ARHGAP26: variants seen among roughly 807,000 people sequenced by gnomAD.
The protein encoded by ARHGAP26 is rho GTPase-activating protein 26.
A neutral mutation model predicts 104.8 loss-of-function variants in ARHGAP26; 38 were observed. The observed-to-expected ratio is 0.36, with a 90% CI of 0.28 to 0.48. The LOEUF is 0.48. ARHGAP26 is among the 20% of genes least tolerant of loss of function. The pLI, the probability that ARHGAP26 is intolerant of heterozygous loss-of-function variation, is 0.99. For synonymous variants in ARHGAP26, 341 were observed against 340.0 expected (o/e 1.00, Z -0.03); for missense variants, 704 against 947.9 (o/e 0.74, Z 3.38).
intron 17 of ARHGAP26, among the ~76,000 whole-genome samples, chr5:143,060,017 A>C (rs1786474871): frequency 6.6e-6 from 1 of 152,244 alleles, no homozygotes; most frequent in Non-Finnish European, 1.5e-5. Context: ...TGGCATCCAG[A>C]GGAGTTCTAA....
intron 11 of ARHGAP26, among the ~76,000 whole-genome samples, chr5:142,992,081 C>T (rs900859779): frequency 2.6e-5 from 4 of 151,654 alleles, no homozygotes; most frequent in African/African-American, 9.7e-5. Context: ...TTGAATATTC[C>T]CTATGGTTAT....
intron 17 of ARHGAP26, among the ~76,000 whole-genome samples, chr5:143,104,476 ACT>A (rs1161381649): frequency 1.3e-5 from 2 of 152,168 alleles, no homozygotes; most frequent in African/African-American, 4.8e-5. Context: ...ACACCACTGC[ACT>A]CCAGTCTGGG....
intron 10 of ARHGAP26, among the ~76,000 whole-genome samples, chr5:142,927,935 G>A (rs189153543): frequency 6.6e-6 from 1 of 152,150 alleles, no homozygotes; most frequent in Admixed American, 6.5e-5. Flanking sequence ...CTATTTCTTA[G>A]CCTTATTGGC....
chr5:142,801,349 G>T (rs1762042025), intron 1 of ARHGAP26, among the ~76,000 whole-genome samples: 1 of 152,032 alleles, frequency 6.6e-6, no homozygotes, highest in African/African-American at 2.4e-5. Flanking sequence ...CGCCCTATGT[G>T]CCAGACCTTA....
chr5:143,065,067 A>G (rs1038866775), intron 17 of ARHGAP26, among the ~76,000 whole-genome samples: 1 of 152,050 alleles, frequency 6.6e-6, no homozygotes, highest in Admixed American at 6.5e-5. Context: ...CTCCCAAATT[A>G]AGGGAGGAGT....
intron 17 of ARHGAP26, among the ~76,000 whole-genome samples, chr5:143,069,012 G>A (rs1787895155): frequency 1.3e-5 from 2 of 151,962 alleles, no homozygotes; most frequent in East Asian, 1.9e-4. Flanking sequence ...TTTTCCTCCT[G>A]CCTCCTTGAC....
intron 11 of ARHGAP26, among the ~76,000 whole-genome samples, chr5:142,954,692 A>G (rs990393634): frequency 2.6e-5 from 4 of 152,256 alleles, no homozygotes; most frequent in Admixed American, 1.3e-4. Flanking sequence ...GTATAAGCAT[A>G]TGAAACTTGA....
intron 17 of ARHGAP26, among the ~76,000 whole-genome samples, chr5:143,067,894 T>C (rs758182680): frequency 6.6e-6 from 1 of 152,228 alleles, no homozygotes; most frequent in Non-Finnish European, 1.5e-5. Context: ...CCAAGAGCAG[T>C]GGCTCATGCC....
chr5:143,109,417 T>G (rs937762531), intron 17 of ARHGAP26, among the ~76,000 whole-genome samples: 1 of 152,190 alleles, frequency 6.6e-6, no homozygotes, highest in Non-Finnish European at 1.5e-5. Flanking sequence ...TATGCTAGCT[T>G]GTAAAGTTCT....
chr5:143,051,260 C>A (rs574702197), intron 14 of ARHGAP26, among the ~76,000 whole-genome samples: 2 of 152,296 alleles, frequency 1.3e-5, no homozygotes, highest in East Asian at 1.9e-4. Context: ...GGGACTGATC[C>A]AAGTGTGACA....
intron 22 of ARHGAP26, among the ~76,000 whole-genome samples, chr5:143,215,237 A>G (rs113610515): frequency 3.6e-4 from 55 of 152,340 alleles, no homozygotes; most frequent in African/African-American, 1.3e-3. Flanking sequence ...AGATTCCTAC[A>G]TTGACAGGTG....
At chr5:142,785,778 C>G (rs564820368) in intron 1 of ARHGAP26, among the ~76,000 whole-genome samples, 2 of 152,260 alleles carry the variant, frequency 1.3e-5, no homozygotes, top group South Asian at 4.1e-4. Flanking sequence ...TTGCATTGTT[C>G]TAGGAAATTC....
At chr5:143,106,950 C>T (rs1289749112) in intron 17 of ARHGAP26, among the ~76,000 whole-genome samples, 1 of 152,188 alleles carries the variant, frequency 6.6e-6, no homozygotes, top group Non-Finnish European at 1.5e-5. Flanking sequence ...CCTAGAGAGG[C>T]CTTCCTGGCC....
chr5:142,997,164 A>G (rs904882120), intron 11 of ARHGAP26, among the ~76,000 whole-genome samples: 1 of 152,120 alleles, frequency 6.6e-6, no homozygotes, highest in African/African-American at 2.4e-5. Context: ...ATATATATAT[A>G]CACACACGTA....
At chr5:143,042,173 AT>A (rs1783566972) in intron 14 of ARHGAP26, among the ~76,000 whole-genome samples, 1 of 152,112 alleles carries the variant, frequency 6.6e-6, no homozygotes, top group Non-Finnish European at 1.5e-5. Context: ...TCAGTCACTC[AT>A]GTGACCACCA....
intron 9 of ARHGAP26, among the ~76,000 whole-genome samples, chr5:142,908,214 C>T (rs1471755109): frequency 6.6e-6 from 1 of 152,156 alleles, no homozygotes; most frequent in African/African-American, 2.4e-5. Context: ...ACAAGTCACC[C>T]CAAAACTTAG....
At chr5:143,091,998 A>T (rs957076604) in intron 17 of ARHGAP26, among the ~76,000 whole-genome samples, 2 of 152,198 alleles carry the variant, frequency 1.3e-5, no homozygotes, top group East Asian at 1.9e-4. Flanking sequence ...CACCTTGCAC[A>T]TAAACTGTTT....
intron 17 of ARHGAP26, among the ~76,000 whole-genome samples, chr5:143,092,710 A>G (rs1791635310): frequency 6.6e-6 from 1 of 152,182 alleles, no homozygotes; most frequent in African/African-American, 2.4e-5. Context: ...AAAACCTTTT[A>G]AGTTTGGGAT....
At chr5:143,057,851 G>A in intron 17 of ARHGAP26, 104 bp downstream of exon 17, 1 of 944,558 alleles carries the variant, frequency 1.1e-6, no homozygotes, top group South Asian at 1.3e-5. Context: ...TCCCACTATT[G>A]CATCAGGTAT....
Sources: gnomAD v4.1 joint callset for allele counts (sites outside exome capture counted in the v4.1 genomes callset) on GRCh38, gnomAD v4.1.1 for gene constraint, MANE v1.5 for transcripts, NCBI Gene and HGNC (gene_info 2026-07-23, HGNC 2026-07-21) for gene names.